RBMS1: variants seen among roughly 807,000 people sequenced by gnomAD.
RBMS1 encodes RNA binding motif single stranded interacting protein 1, also known as RNA-binding motif, single-stranded-interacting protein 1.
A neutral mutation model predicts 62.3 loss-of-function variants in RBMS1; 17 were observed. The ratio of observed to expected loss-of-function variants is 0.27; its 90% CI spans 0.19 to 0.41. RBMS1 has a LOEUF of 0.41. RBMS1 is among the 10% of genes least tolerant of loss of function. RBMS1 has a pLI of 1.00. For missense variants in RBMS1, 334 were observed against 504.5 expected (o/e 0.66, Z 3.24); for synonymous variants, 172 against 170.0 (o/e 1.01, Z -0.09).
intron 3 of RBMS1, among the ~76,000 whole-genome samples, chr2:160,317,289 T>C (rs1192826412): frequency 2.6e-5 from 4 of 152,344 alleles, no homozygotes; most frequent in African/African-American, 9.6e-5. Flanking sequence ...GCTAAGCCAC[T>C]GCCCCGTCAC....
chr2:160,313,281 A>G, intron 3 of RBMS1, 34 bp from the exon 4 acceptor site: 1 of 1,597,156 alleles, frequency 6.3e-7, no homozygotes, highest in Non-Finnish European at 8.6e-7. Flanking sequence ...TATTTAAGCC[A>G]TTATTCTGTG....
intron 1 of RBMS1, among the ~76,000 whole-genome samples, chr2:160,378,166 C>T (rs544330315): frequency 6.6e-6 from 1 of 151,678 alleles, no homozygotes; most frequent in East Asian, 1.9e-4. Context: ...AGGAAACACA[C>T]CTATGAAATT....
intron 6 of RBMS1, among the ~76,000 whole-genome samples, chr2:160,298,233 G>C (rs959889214): frequency 6.6e-6 from 1 of 152,114 alleles, no homozygotes; most frequent in Non-Finnish European, 1.5e-5. Flanking sequence ...TTCTAGCTTG[G>C]GAGTCTGGGT....
intron 1 of RBMS1, among the ~76,000 whole-genome samples, chr2:160,409,061 C>G (rs1415335356): frequency 6.6e-6 from 1 of 152,010 alleles, no homozygotes; most frequent in African/African-American, 2.4e-5. Context: ...AACAGTGTCC[C>G]CTATGGAAAT....
intron 2 of RBMS1, among the ~76,000 whole-genome samples, chr2:160,322,648 T>C (rs754471021): frequency 2.0e-5 from 3 of 152,224 alleles, no homozygotes; most frequent in Non-Finnish European, 2.9e-5. Context: ...TATTTGGATT[T>C]ACCTAAGGTG....
At chr2:160,353,091 A>T (rs1692606056) in intron 2 of RBMS1, among the ~76,000 whole-genome samples, 1 of 152,246 alleles carries the variant, frequency 6.6e-6, no homozygotes, top group East Asian at 1.9e-4. Context: ...TAAATTAGGT[A>T]TGTTACTGAT....
intron 1 of RBMS1, among the ~76,000 whole-genome samples, chr2:160,395,400 A>G (rs1056403031): frequency 2.6e-5 from 4 of 152,128 alleles, no homozygotes; most frequent in African/African-American, 9.7e-5. Flanking sequence ...CGAGGCGGGC[A>G]GATCACGCGG....
intron 5 of RBMS1, chr2:160,302,940 CTCAT>C (rs1418180750): frequency 6.2e-6 from 1 of 161,096 alleles, no homozygotes; most frequent in Non-Finnish European, 1.3e-5. Context: ...TAAAACCTAA[CTCAT>C]TTACTTTATT....
chr2:160,341,109 G>A (rs1027729495), intron 2 of RBMS1, among the ~76,000 whole-genome samples: 1 of 152,044 alleles, frequency 6.6e-6, no homozygotes. Context: ...GAGGGATAAC[G>A]AAAATTTTTT....
chr2:160,399,305 G>A (rs1268308236), intron 1 of RBMS1, among the ~76,000 whole-genome samples: 7 of 152,134 alleles, frequency 4.6e-5, no homozygotes, highest in Non-Finnish European at 8.8e-5. Flanking sequence ...GCCAATGTAT[G>A]CACATTTTGC....
chr2:160,357,528 G>A (rs1692867898), intron 2 of RBMS1, among the ~76,000 whole-genome samples: 1 of 152,002 alleles, frequency 6.6e-6, no homozygotes, highest in African/African-American at 2.4e-5. Context: ...CATGTATGAA[G>A]TAGGTACTTG....
At chr2:160,277,963 T>C (rs1227195086) in intron 11 of RBMS1, 1 of 157,692 alleles carries the variant, frequency 6.3e-6, no homozygotes, top group Non-Finnish European at 1.4e-5. Flanking sequence ...GTTTTGAGTG[T>C]ATAAGGGGAA....
intron 2 of RBMS1, among the ~76,000 whole-genome samples, chr2:160,319,710 T>C (rs1559374822): frequency 1.3e-5 from 2 of 152,194 alleles, no homozygotes; most frequent in African/African-American, 4.8e-5. Context: ...TTTTAGGAAA[T>C]GGAAGTATTT....
intron 3 of RBMS1, among the ~76,000 whole-genome samples, chr2:160,316,040 C>T (rs984034787): frequency 3.9e-5 from 6 of 151,928 alleles, no homozygotes; most frequent in African/African-American, 1.5e-4. Context: ...ACACAAGTAC[C>T]TTTCATTTAT....
At chr2:160,471,499 A>G (rs1276429202) in intron 1 of RBMS1, among the ~76,000 whole-genome samples, 1 of 151,656 alleles carries the variant, frequency 6.6e-6, no homozygotes. Flanking sequence ...GGAATAGAGG[A>G]AAATGTTTGA....
At chr2:160,449,292 C>A (rs1415361599) in intron 1 of RBMS1, among the ~76,000 whole-genome samples, 2 of 151,156 alleles carry the variant, frequency 1.3e-5, no homozygotes, top group Admixed American at 1.3e-4. Context: ...AAGTGAGGAG[C>A]CCCTCTGCCC....
intron 1 of RBMS1, among the ~76,000 whole-genome samples, chr2:160,474,278 C>CA (rs1430142590): frequency 1.3e-5 from 2 of 152,180 alleles, no homozygotes; most frequent in Admixed American, 6.5e-5. Context: ...AAAATAACAG[C>CA]ATCTTCCTGT....
At chr2:160,373,603 T>C (rs1335319192) in intron 1 of RBMS1, among the ~76,000 whole-genome samples, 2 of 152,188 alleles carry the variant, frequency 1.3e-5, no homozygotes, top group African/African-American at 2.4e-5. Flanking sequence ...TTGTTCCATC[T>C]AGTTTTTGTA....
At chr2:160,409,280 T>TTA (rs1695923862) in intron 1 of RBMS1, among the ~76,000 whole-genome samples, 1 of 141,898 alleles carries the variant, frequency 7.0e-6, no homozygotes, top group Non-Finnish European at 1.5e-5. Context: ...TTCTTTTCAT[T>TTA]AAAAAAAAAA....
Sources: gnomAD v4.1 joint callset for allele counts (sites outside exome capture counted in the v4.1 genomes callset) on GRCh38, gnomAD v4.1.1 for gene constraint, MANE v1.5 for transcripts, NCBI Gene and HGNC (gene_info 2026-07-23, HGNC 2026-07-21) for gene names.